NEGR1: variants seen among roughly 807,000 people sequenced by gnomAD.
NEGR1 encodes the protein IgLON family member 4.
Under a neutral mutation model 40.9 loss-of-function variants are expected in NEGR1, and 10 were observed. The ratio of observed to expected loss-of-function variants is 0.24; its 90% CI spans 0.15 to 0.42. The LOEUF is 0.42. Among genes scored for constraint, NEGR1 ranks in the 10% least tolerant of loss-of-function variants. NEGR1 has a pLI of 1.00. For missense variants in NEGR1, 352 were observed against 438.9 expected (o/e 0.80, Z 1.77); for synonymous variants, 185 against 166.8 (o/e 1.11, Z -0.84).
At chr1:71,917,982 C>T (rs1661638395) in intron 2 of NEGR1, among the ~76,000 whole-genome samples, 1 of 150,398 alleles carries the variant, frequency 6.6e-6, no homozygotes. Flanking sequence ...CTTTGGGAGG[C>T]CGAGGCGGGC....
At chr1:71,555,274 T>C (rs1324551235) in intron 6 of NEGR1, among the ~76,000 whole-genome samples, 1 of 151,358 alleles carries the variant, frequency 6.6e-6, no homozygotes. Context: ...GATGAATTGG[T>C]AGTAGATGCT....
chr1:71,684,994 T>G (rs55869869), intron 4 of NEGR1, among the ~76,000 whole-genome samples: 5,468 of 152,294 alleles, frequency 0.036, 124 homozygotes, highest in African/African-American at 0.07. Context: ...CATTTTGCTT[T>G]AGGTTTGTCT....
intron 4 of NEGR1, among the ~76,000 whole-genome samples, chr1:71,649,876 C>T (rs945508251): frequency 2.0e-5 from 3 of 152,040 alleles, no homozygotes; most frequent in African/African-American, 7.2e-5. Flanking sequence ...ATAACTTTTG[C>T]CACTCAGTCT....
intron 2 of NEGR1, among the ~76,000 whole-genome samples, chr1:71,837,703 A>G (rs1432384320): frequency 6.6e-6 from 1 of 152,078 alleles, no homozygotes; most frequent in Non-Finnish European, 1.5e-5. Flanking sequence ...CTCCATTTAC[A>G]ATAGCAATCC....
intron 1 of NEGR1, among the ~76,000 whole-genome samples, chr1:72,143,907 T>TAATATG (rs1557548436): frequency 1.7e-5 from 1 of 60,464 alleles, no homozygotes; most frequent in Non-Finnish European, 3.2e-5. Context: ...ATATATATGA[T>TAATATG]ATATATAATA....
chr1:71,907,998 C>T (rs1316332145), intron 2 of NEGR1, among the ~76,000 whole-genome samples: 1 of 151,940 alleles, frequency 6.6e-6, no homozygotes, highest in Non-Finnish European at 1.5e-5. Flanking sequence ...CGGGGGTCTA[C>T]TAGAGGTGGG....
intron 3 of NEGR1, among the ~76,000 whole-genome samples, chr1:71,719,564 T>G (rs996340188): frequency 6.6e-6 from 1 of 152,038 alleles, no homozygotes; most frequent in Admixed American, 6.6e-5. Context: ...AGACCTTCCA[T>G]GGTCACTGAG....
intron 2 of NEGR1, among the ~76,000 whole-genome samples, chr1:71,923,173 A>G (rs1479359032): frequency 6.6e-6 from 1 of 152,048 alleles, no homozygotes; most frequent in Non-Finnish European, 1.5e-5. Context: ...TACGATCCAT[A>G]TTTTCATGGA....
chr1:71,980,171 AG>A (rs1267920005), intron 1 of NEGR1, among the ~76,000 whole-genome samples: 1 of 152,302 alleles, frequency 6.6e-6, no homozygotes, highest in African/African-American at 2.4e-5. Flanking sequence ...GTTACTTCTG[AG>A]GAGCCAGAAA....
In NEGR1 at chr1:72,187,868, A is replaced by G. The variant is rs182300268; in HGVS notation, c.176+94451T>C. On this transcript the variant is annotated intron_variant, in intron 1 of 6. Transcript: ENST00000357731. The stretch of plus-strand genomic sequence containing the variant: ...GAAATTCAGTGGTAGTAGAGCCACT[A>G]TTCAAATTCAGGCATGTCTGGCTCT... Among the ~76,000 whole-genome samples, 7 of 151,558 alleles carry G rather than the reference A, an allele frequency of 4.6e-5. No individual in the cohort carries two copies. In the Admixed American group the frequency reaches 4.6e-4, roughly 10 times the overall value.
intron 6 of NEGR1, among the ~76,000 whole-genome samples, chr1:71,584,950 T>A (rs1649255049): frequency 6.6e-6 from 1 of 152,144 alleles, no homozygotes; most frequent in South Asian, 2.1e-4. Flanking sequence ...TCTATTCTAG[T>A]GCCTTTTTCA....
At chr1:72,227,058 A>G (rs1484663749) in intron 1 of NEGR1, among the ~76,000 whole-genome samples, 1 of 152,096 alleles carries the variant, frequency 6.6e-6, no homozygotes, top group Non-Finnish European at 1.5e-5. Flanking sequence ...AATCTAAATG[A>G]GAAAGTGCCA....
intron 1 of NEGR1, among the ~76,000 whole-genome samples, chr1:71,982,878 A>G (rs1646365452): frequency 1.3e-5 from 2 of 152,154 alleles, no homozygotes; most frequent in African/African-American, 2.4e-5. Flanking sequence ...TGCAAAAAGA[A>G]GAAAATGGTG....
intron 6 of NEGR1, among the ~76,000 whole-genome samples, chr1:71,423,185 C>T (rs954772244): frequency 2.0e-5 from 3 of 151,912 alleles, no homozygotes; most frequent in East Asian, 1.9e-4. Flanking sequence ...GCCAGGAGTT[C>T]GAGATCAGCC....
chr1:72,088,880 A>G (rs942831580), intron 1 of NEGR1, among the ~76,000 whole-genome samples: 3 of 136,824 alleles, frequency 2.2e-5, no homozygotes, highest in African/African-American at 5.5e-5. Flanking sequence ...GTGCAATCTC[A>G]GCTCACTGCA....
At chr1:71,973,320 GAAA>G (rs35734264) in intron 1 of NEGR1, among the ~76,000 whole-genome samples, 5 of 101,662 alleles carry the variant, frequency 4.9e-5, no homozygotes, top group Admixed American at 2.1e-4. Context: ...CAACTCAAAA[GAAA>G]AAAAAAAAAA....
At chr1:72,171,843 G>C (rs1296482624) in intron 1 of NEGR1, among the ~76,000 whole-genome samples, 1 of 152,030 alleles carries the variant, frequency 6.6e-6, no homozygotes, top group Non-Finnish European at 1.5e-5. Flanking sequence ...GTTTTAAATG[G>C]ATATAAAAAT....
chr1:71,906,778 T>A (rs1473203420), intron 2 of NEGR1, among the ~76,000 whole-genome samples: 1 of 152,180 alleles, frequency 6.6e-6, no homozygotes, highest in African/African-American at 2.4e-5. Context: ...TGAGGTGAAG[T>A]GTATAATTCA....
chr1:71,425,411 T>C (rs1646422603), intron 6 of NEGR1, among the ~76,000 whole-genome samples: 1 of 152,166 alleles, frequency 6.6e-6, no homozygotes, highest in Admixed American at 6.6e-5. Flanking sequence ...GTTATTCATG[T>C]TTTCTACAAA....
Sources: allele counts gnomAD v4.1 joint callset (sites outside exome capture counted in the v4.1 genomes callset), GRCh38; gene constraint gnomAD v4.1.1; transcripts MANE v1.5; gene names NCBI Gene and HGNC (gene_info 2026-07-23, HGNC 2026-07-21).